CRPPA: variants seen among roughly 807,000 people sequenced by gnomAD.
The protein encoded by CRPPA is D-ribitol-5-phosphate cytidylyltransferase.
CRPPA carries 43 observed loss-of-function variants against 52.0 expected under a neutral mutation model. The observed-to-expected ratio is 0.83, with a 90% CI of 0.65 to 1.07. The LOEUF is 1.07. Ranked by LOEUF, CRPPA falls within the 50% of genes least tolerant of loss-of-function variation. The pLI is 0.00. For missense variants in CRPPA, 629 were observed against 551.7 expected (o/e 1.14, Z -1.40); for synonymous variants, 250 against 203.5 (o/e 1.23, Z -1.94).
At chr7:16,348,727 A>T (rs968642596) in intron 3 of CRPPA, among the ~76,000 whole-genome samples, 1 of 112,742 alleles carries the variant, frequency 8.9e-6, no homozygotes, top group African/African-American at 2.9e-5. Flanking sequence ...AACAAAGAAG[A>T]CAAACAGTAG....
chr7:16,168,534 AACACACACACACACAC>A (rs61189058), intron 9 of CRPPA, among the ~76,000 whole-genome samples: 16 of 143,160 alleles, frequency 1.1e-4, no homozygotes, highest in South Asian at 4.5e-4. Context: ...AGTGAAGTAA[AACACACACACACACAC>A]ACACACACAC....
intron 4 of CRPPA, among the ~76,000 whole-genome samples, chr7:16,303,502 A>AAAAAAAAAAAAAAAAAAAAG (rs1784839706): frequency 7.3e-6 from 1 of 137,152 alleles, no homozygotes; most frequent in African/African-American, 2.6e-5. Flanking sequence ...AAAAAAAAAA[A>AAAAAAAAAAAAAAAAAAAAG]ACTTTCAGAA....
intron 3 of CRPPA, among the ~76,000 whole-genome samples, chr7:16,316,928 G>C (rs1165371651): frequency 6.6e-6 from 1 of 152,008 alleles, no homozygotes; most frequent in Non-Finnish European, 1.5e-5. Flanking sequence ...ATGTATTATT[G>C]CTATATTATA....
chr7:16,221,271 T>C (rs996845500), intron 8 of CRPPA, among the ~76,000 whole-genome samples: 4 of 152,144 alleles, frequency 2.6e-5, no homozygotes, highest in Non-Finnish European at 5.9e-5. Context: ...GATGCCTTCC[T>C]TACACCTTAT....
chr7:16,110,060 T>C (rs995533728), intron 9 of CRPPA, among the ~76,000 whole-genome samples: 5 of 151,834 alleles, frequency 3.3e-5, no homozygotes, highest in African/African-American at 1.2e-4. Flanking sequence ...TGTTAACAGT[T>C]GAAAAAAATA....
chr7:16,395,180 C>G (rs901935361), intron 2 of CRPPA, among the ~76,000 whole-genome samples: 11 of 152,148 alleles, frequency 7.2e-5, no homozygotes, highest in African/African-American at 2.7e-4. Context: ...GGGCTCAGCA[C>G]CAGCCTCAGT....
intron 8 of CRPPA, among the ~76,000 whole-genome samples, chr7:16,231,924 G>T (rs1345442274): frequency 2.0e-5 from 3 of 152,284 alleles, no homozygotes; most frequent in African/African-American, 4.8e-5. Flanking sequence ...GAGAGTTTCA[G>T]GACATGGTAC....
At chr7:16,352,280 G>T (rs1177613177) in intron 3 of CRPPA, among the ~76,000 whole-genome samples, 1 of 152,028 alleles carries the variant, frequency 6.6e-6, no homozygotes, top group Non-Finnish European at 1.5e-5. Context: ...TGGGGAGCAA[G>T]GGGAGGGAGA....
chr7:16,372,015 A>C (rs1487360694), intron 3 of CRPPA, among the ~76,000 whole-genome samples: 2 of 152,116 alleles, frequency 1.3e-5, no homozygotes, highest in Non-Finnish European at 2.9e-5. Context: ...CGAAGTAAAA[A>C]AAAAATTTTA....
intron 1 of CRPPA, among the ~76,000 whole-genome samples, chr7:16,408,349 G>A (rs1348352117): frequency 1.3e-5 from 2 of 152,160 alleles, no homozygotes; most frequent in African/African-American, 2.4e-5. Context: ...ATGGGTGGCA[G>A]GTAAGCAGGC....
intron 9 of CRPPA, among the ~76,000 whole-genome samples, chr7:16,139,947 T>G (rs531975634): frequency 6.6e-6 from 1 of 152,232 alleles, no homozygotes; most frequent in South Asian, 2.1e-4. Context: ...CTCTATCTAG[T>G]TAGCCATACT....
intron 8 of CRPPA, among the ~76,000 whole-genome samples, chr7:16,226,502 T>A (rs1013494458): frequency 6.6e-6 from 1 of 151,816 alleles, no homozygotes; most frequent in African/African-American, 2.4e-5. Context: ...GTCGGCCAAA[T>A]AAAACACAGT....
chr7:16,416,569 TCA>T (rs2128320307), intron 1 of CRPPA, among the ~76,000 whole-genome samples: 5 of 151,816 alleles, frequency 3.3e-5, no homozygotes, highest in Admixed American at 3.3e-4. Context: ...GTGTGGTCAC[TCA>T]CACTTGTAAT....
At chr7:16,221,942 C>G (rs1028206414) in intron 8 of CRPPA, among the ~76,000 whole-genome samples, 1 of 152,022 alleles carries the variant, frequency 6.6e-6, no homozygotes, top group Non-Finnish European at 1.5e-5. Context: ...CATCCCATTA[C>G]TGGGTACATA....
chr7:16,365,967 TA>T (rs1186693636), intron 3 of CRPPA, among the ~76,000 whole-genome samples: 1 of 152,212 alleles, frequency 6.6e-6, no homozygotes, highest in African/African-American at 2.4e-5. Flanking sequence ...GTAAGTGCTT[TA>T]CTCCACTTAG....
chr7:16,161,603 T>C (rs907564060), intron 9 of CRPPA, among the ~76,000 whole-genome samples: 2 of 152,202 alleles, frequency 1.3e-5, no homozygotes, highest in African/African-American at 4.8e-5. Flanking sequence ...TTATTGAGGA[T>C]TTTTGCATCA....
At chr7:16,253,532 G>C (rs1783520006) in intron 8 of CRPPA, among the ~76,000 whole-genome samples, 1 of 152,090 alleles carries the variant, frequency 6.6e-6, no homozygotes, top group Non-Finnish European at 1.5e-5. Context: ...CAACTATATG[G>C]TCAATTTTGG....
chr7:16,352,482 G>A (rs1386615921), intron 3 of CRPPA, among the ~76,000 whole-genome samples: 1 of 151,466 alleles, frequency 6.6e-6, no homozygotes, highest in African/African-American at 2.4e-5. Flanking sequence ...ACATACAAAG[G>A]TCCAGATATA....
intron 3 of CRPPA, among the ~76,000 whole-genome samples, chr7:16,321,926 T>A (rs1203930510): frequency 6.6e-6 from 1 of 151,680 alleles, no homozygotes; most frequent in African/African-American, 2.4e-5. Context: ...TACAAGCAAA[T>A]GAAATAAAAG....
Sources: allele counts gnomAD v4.1 joint callset (sites outside exome capture counted in the v4.1 genomes callset), GRCh38; gene constraint gnomAD v4.1.1; transcripts MANE v1.5; gene names NCBI Gene and HGNC (gene_info 2026-07-23, HGNC 2026-07-21).